FBXL17: variants seen among roughly 807,000 people sequenced by gnomAD.
FBXL17 encodes F-box/LRR-repeat protein 17.
In FBXL17, 22 loss-of-function variants were observed where a neutral mutation model predicts 66.2. The ratio of observed to expected loss-of-function variants is 0.33; its 90% CI spans 0.24 to 0.47. The LOEUF (loss-of-function observed/expected upper bound fraction) is 0.47, where lower values mean the gene tolerates loss of function less well. Ranked by LOEUF, FBXL17 falls within the 20% of genes least tolerant of loss-of-function variation. FBXL17 has a pLI of 1.00. For synonymous variants in FBXL17, 474 were observed against 400.5 expected (o/e 1.18, Z -2.19); for missense variants, 878 against 948.2 (o/e 0.93, Z 0.97).
At chr5:107,927,788 T>C (rs1364774832) in intron 7 of FBXL17, among the ~76,000 whole-genome samples, 2 of 152,126 alleles carry the variant, frequency 1.3e-5, no homozygotes, top group Non-Finnish European at 2.9e-5. Flanking sequence ...CCAACTCTTT[T>C]TCTTGCCATA....
At chr5:108,292,138 T>TC (rs1296276544) in intron 4 of FBXL17, among the ~76,000 whole-genome samples, 4 of 151,998 alleles carry the variant, frequency 2.6e-5, no homozygotes, top group Non-Finnish European at 5.9e-5. Context: ...TTTTTTTTTT[T>TC]TGGAGACAGT....
intron 7 of FBXL17, among the ~76,000 whole-genome samples, chr5:107,988,037 T>C (rs1302000104): frequency 6.6e-6 from 1 of 152,020 alleles, no homozygotes; most frequent in African/African-American, 2.4e-5. Context: ...ACACAAAATC[T>C]ACCAATGATA....
At chr5:108,124,795 G>C (rs1162634044) in intron 6 of FBXL17, among the ~76,000 whole-genome samples, 1 of 151,974 alleles carries the variant, frequency 6.6e-6, no homozygotes, top group Non-Finnish European at 1.5e-5. Context: ...TCTCTTCTGT[G>C]CATCAATTAT....
intron 7 of FBXL17, among the ~76,000 whole-genome samples, chr5:108,015,409 G>T (rs938790441): frequency 3.9e-5 from 6 of 152,018 alleles, no homozygotes; most frequent in African/African-American, 1.2e-4. Context: ...AACTATTAGA[G>T]TTATTCCTGC....
intron 4 of FBXL17, among the ~76,000 whole-genome samples, chr5:108,346,838 G>A (rs1318615953): frequency 6.6e-6 from 1 of 152,092 alleles, no homozygotes; most frequent in Admixed American, 6.6e-5. Context: ...ATGCAAGTGA[G>A]TGGATACCAA....
At chr5:108,132,260 G>A (rs1266546392) in intron 6 of FBXL17, among the ~76,000 whole-genome samples, 1 of 152,172 alleles carries the variant, frequency 6.6e-6, no homozygotes, top group African/African-American at 2.4e-5. Context: ...ACAGGCATGA[G>A]CCACCGTGCC....
chr5:108,299,100 C>G (rs1255621316), intron 4 of FBXL17: 1 of 976,730 alleles, frequency 1.0e-6, no homozygotes, highest in Non-Finnish European at 1.2e-6. Flanking sequence ...AAAAAACAGT[C>G]TGATTTATAA....
At chr5:107,976,701 T>A (rs1220446023) in intron 7 of FBXL17, among the ~76,000 whole-genome samples, 3 of 152,198 alleles carry the variant, frequency 2.0e-5, no homozygotes, top group Non-Finnish European at 4.4e-5. Context: ...AATGACATTA[T>A]TTTTTCCTCC....
intron 5 of FBXL17, among the ~76,000 whole-genome samples, chr5:108,188,535 C>G (rs147965973): frequency 6.6e-6 from 1 of 152,264 alleles, no homozygotes; most frequent in South Asian, 2.1e-4. Flanking sequence ...TTACAAAGTT[C>G]CTATTCAATA....
At chr5:107,897,733 T>C (rs148050028) in intron 7 of FBXL17, among the ~76,000 whole-genome samples, 141 of 151,816 alleles carry the variant, frequency 9.3e-4, no homozygotes, top group Middle Eastern at 3.4e-3. Context: ...AGAACCCAGA[T>C]ACAACATGTA....
At chr5:108,071,274 C>G (rs1748320621) in intron 6 of FBXL17, among the ~76,000 whole-genome samples, 1 of 152,116 alleles carries the variant, frequency 6.6e-6, no homozygotes, top group Non-Finnish European at 1.5e-5. Context: ...TTTTCATGAC[C>G]CTACTACACT....
chr5:108,239,456 T>C lies in FBXL17; in HGVS notation c.1507-15228A>G, dbSNP rs561027061. ...ATTGGAACTCAGTGCTTCCCTGTCA[T>C]AGCGGAAAGCAACACCAGGCAGAAC... On this transcript the variant is annotated intron_variant, in intron 4 of 8. Transcript: ENST00000542267. 5.9e-5 allele frequency among the ~76,000 whole-genome samples: 9 copies of C among 152,272 alleles called. No individual in the cohort carries two copies. The South Asian group carries it at 1.0e-3, about 18-fold the overall frequency.
intron 5 of FBXL17, among the ~76,000 whole-genome samples, chr5:108,200,902 C>T (rs1006224069): frequency 1.6e-4 from 24 of 152,134 alleles, no homozygotes; most frequent in Admixed American, 7.2e-4. Context: ...CTATTGGACT[C>T]TATTACTGGG....
intron 4 of FBXL17, among the ~76,000 whole-genome samples, chr5:108,246,127 T>A (rs17161182): frequency 0.013 from 1,952 of 152,210 alleles, 35 homozygotes; most frequent in African/African-American, 0.043. Context: ...AGGTGCCATA[T>A]ACCTAGAGTC....
chr5:107,918,142 C>T (rs1750195217), intron 7 of FBXL17, among the ~76,000 whole-genome samples: 1 of 152,180 alleles, frequency 6.6e-6, no homozygotes, highest in African/African-American at 2.4e-5. Flanking sequence ...CTCAGGAATG[C>T]AGGCAGCTCC....
At chr5:108,024,209 A>G (rs919572888) in intron 6 of FBXL17, among the ~76,000 whole-genome samples, 1 of 152,226 alleles carries the variant, frequency 6.6e-6, no homozygotes, top group African/African-American at 2.4e-5. Context: ...CTCCTTACAG[A>G]AAGTATCCGT....
chr5:108,257,373 A>T (rs1386963117), intron 4 of FBXL17, among the ~76,000 whole-genome samples: 1 of 152,168 alleles, frequency 6.6e-6, no homozygotes, highest in African/African-American at 2.4e-5. Context: ...AATATTCCAT[A>T]AGCATACATC....
rs370972500 is a variant in FBXL17, at chr5:108,116,314, G to A, written c.1745+69803C>T. 7.3e-4 allele frequency among the ~76,000 whole-genome samples: 111 copies of A among 152,072 alleles called. 3 individuals are homozygous for A. In the South Asian group the frequency reaches 0.023, roughly 32 times the overall value. On this transcript the variant is annotated intron_variant, in intron 6 of 8. Transcript: ENST00000542267. ...AATATGCAATCCATGGGAGGGTAGT[G>A]AATATCATTAATTCAAATCGGGCAA...
rs137997700 is a variant in FBXL17, at chr5:108,054,004, T to C, written c.1746-33003A>G. 5.0e-3 allele frequency among the ~76,000 whole-genome samples: 759 copies of C among 152,140 alleles called. 4 individuals are homozygous for C. Among genetic ancestry groups the C allele is most frequent in the Non-Finnish European group, 9.2e-3 (626 of 67,996 alleles). Reference sequence around the variant, plus strand: ...GAAGCCATCACCCTCAGCAAACTAATGCAGGAACAGAAAACCAAATACCAC... The same window carrying C: ...GAAGCCATCACCCTCAGCAAACTAACGCAGGAACAGAAAACCAAATACCAC... On this transcript the variant is annotated intron_variant, in intron 6 of 8. Transcript: ENST00000542267.
Sources: gnomAD v4.1 joint callset for allele counts (sites outside exome capture counted in the v4.1 genomes callset) on GRCh38, gnomAD v4.1.1 for gene constraint, MANE v1.5 for transcripts, NCBI Gene and HGNC (gene_info 2026-07-23, HGNC 2026-07-21) for gene names.